Variants in KLRG2 observed in about 807,000 individuals in gnomAD.
KLRG2 encodes killer cell lectin-like receptor subfamily G member 2.
A neutral mutation model predicts 35.4 loss-of-function variants in KLRG2; 39 were observed. The observed-to-expected ratio is 1.10, with a 90% CI of 0.85 to 1.44. KLRG2 has a LOEUF of 1.44. Ranked by LOEUF, KLRG2 falls within the 40% of genes most tolerant of loss-of-function variation. The probability of loss-of-function intolerance (pLI) is 0.00; values close to 1 mark genes in which losing one functional copy is unlikely to be tolerated. For missense variants in KLRG2, 632 were observed against 570.9 expected, an observed-to-expected ratio of 1.11 and a Z score of -1.09; for synonymous variants, 283 against 265.8, an observed-to-expected ratio of 1.06 and a Z score of -0.63.
chr7:139,444,159 T>A, the KLRG2 span, among the ~76,000 whole-genome samples: 111 of 152,314 alleles, frequency 7.3e-4, no homozygotes, highest in Non-Finnish European at 8.8e-5. Context: ...GGAGACTGAT[T>A]AGATGGTACC....
chr7:139,461,643 C>T (rs78238150), intron 3 of KLRG2, among the ~76,000 whole-genome samples: 1 of 152,214 alleles, frequency 6.6e-6, no homozygotes, highest in South Asian at 2.1e-4. Context: ...TCAAAAGCTC[C>T]CCCACTGAGC....
chr7:139,444,559 A>G, the KLRG2 span, among the ~76,000 whole-genome samples: 1 of 152,192 alleles, frequency 6.6e-6, no homozygotes, highest in African/African-American at 2.4e-5. Context: ...CCTTCTCTCC[A>G]TGCCACGTGA....
chr7:139,439,445 C>T, the KLRG2 span, among the ~76,000 whole-genome samples: 1 of 151,982 alleles, frequency 6.6e-6, no homozygotes, highest in African/African-American at 2.4e-5. Context: ...AGGGAGAGAC[C>T]AGGGCGTGCA....
At chr7:139,451,520 T>A (rs548629127), downstream of KLRG2, among the ~76,000 whole-genome samples, 3 of 151,872 alleles carry the variant, frequency 2.0e-5, no homozygotes, top group Non-Finnish European at 4.4e-5. Flanking sequence ...TTTTTTTTTG[T>A]TATAAAGCAA....
chr7:139,428,656 TGA>T, the KLRG2 span, among the ~76,000 whole-genome samples: 1 of 119,644 alleles, frequency 8.4e-6, no homozygotes, highest in African/African-American at 6.0e-5. Flanking sequence ...CAAAGGAGAC[TGA>T]AGAGATGATA....
intron 3 of KLRG2, among the ~76,000 whole-genome samples, chr7:139,475,737 A>G (rs2116472946): frequency 6.6e-6 from 1 of 152,172 alleles, no homozygotes. Context: ...GCTCTAGCAA[A>G]TTAATCAAAC....
At chr7:139,475,338 T>C (rs1321594591) in intron 3 of KLRG2, among the ~76,000 whole-genome samples, 1 of 152,110 alleles carries the variant, frequency 6.6e-6, no homozygotes, top group Non-Finnish European at 1.5e-5. Flanking sequence ...GAGACCATCC[T>C]GGCTAACATG....
chr7:139,444,272 C>T, the KLRG2 span, among the ~76,000 whole-genome samples: 1 of 152,176 alleles, frequency 6.6e-6, no homozygotes, highest in Non-Finnish European at 1.5e-5. Context: ...TACTTTGCGT[C>T]CTTCAATCCA....
At chr7:139,442,680 C>G in the KLRG2 span, among the ~76,000 whole-genome samples, 3 of 152,162 alleles carry the variant, frequency 2.0e-5, no homozygotes, top group African/African-American at 4.8e-5. Flanking sequence ...AACTTTGTCT[C>G]TACAAAAAAT....
chr7:139,448,553 G>A (rs911622282), downstream of KLRG2, among the ~76,000 whole-genome samples: 10 of 152,154 alleles, frequency 6.6e-5, no homozygotes, highest in African/African-American at 2.4e-4. Flanking sequence ...AAATAGGCTG[G>A]GCGCAGTGGC....
In KLRG2 at chr7:139,453,357, G is replaced by A; in HGVS notation, c.*230C>T. On this transcript the variant is annotated 3_prime_UTR_variant, in exon 5 of 5. Transcript: ENST00000340940. ...ATCAAACCGATCATCCACAGAAGCT[G>A]GAGACTAATATTGGCACTCAGGCCT... is the stretch of plus-strand genomic sequence containing the variant. 1 of 540,416 alleles carries A rather than the reference G, an allele frequency of 1.9e-6. No individual in the cohort carries two copies. Among genetic ancestry groups the A allele is most frequent in the Non-Finnish European group, 3.2e-6 (1 of 310,072 alleles). The allele number at this position is 540,416 out of a possible 1,614,324, so 33.5% of individuals were successfully genotyped here. A position where few individuals can be genotyped will look rare whatever the true frequency, so the allele number is the denominator to read the frequency against.
chr7:139,441,227 G>A, the KLRG2 span, among the ~76,000 whole-genome samples: 1 of 152,188 alleles, frequency 6.6e-6, no homozygotes, highest in Admixed American at 6.5e-5. Flanking sequence ...CAACCCAAAT[G>A]TCTATCAATA....
rs761226386 is a variant in KLRG2, at chr7:139,479,770, C to G, written c.862G>C (p.Ala288Pro). Residue 288 changes from alanine (A) to proline (P), a missense_variant and splice_region_variant, in exon 3 of 5, where the codon GCC (alanine) becomes CCC (proline). Physicochemically the swap from Ala to Pro is conservative, Grantham distance 27. Coordinates refer to ENST00000340940, the MANE Select transcript of KLRG2 (RefSeq NM_198508.4). ...CCTGGGGGGCACTGCTGGCATCTGG[C>G]TCCTGCAAGCACAGAGACTGCTGGT... ...VIVVLASRAGARCQQCPPGWV... is the reference protein window; with the variant it reads ...VIVVLASRAGPRCQQCPPGWV... 1.2e-5 allele frequency: 19 copies of G among 1,613,144 alleles called. No homozygotes were observed. Among genetic ancestry groups the G allele is most frequent in the African/African-American group, 1.3e-5 (1 of 74,912 alleles).
intron 3 of KLRG2, among the ~76,000 whole-genome samples, chr7:139,474,441 C>G (rs1476064160): frequency 6.6e-6 from 1 of 152,122 alleles, no homozygotes; most frequent in Non-Finnish European, 1.5e-5. Flanking sequence ...ATATCTATGT[C>G]TCTATCTCCA....
intron 3 of KLRG2, among the ~76,000 whole-genome samples, chr7:139,477,231 T>C (rs1429230295): frequency 2.0e-5 from 3 of 152,192 alleles, no homozygotes; most frequent in African/African-American, 7.2e-5. Flanking sequence ...GGGTATATAC[T>C]CTAAGAACTG....
chr7:139,429,380 C>CTTTTTT, the KLRG2 span, among the ~76,000 whole-genome samples: 5 of 143,236 alleles, frequency 3.5e-5, no homozygotes, highest in South Asian at 2.2e-4. Context: ...TTTTCTTTTT[C>CTTTTTT]TTTTTCTTTT....
chr7:139,429,676 G>A, the KLRG2 span, among the ~76,000 whole-genome samples: 1 of 152,082 alleles, frequency 6.6e-6, no homozygotes, highest in Non-Finnish European at 1.5e-5. Flanking sequence ...GTTTCAGAGA[G>A]CACAGGGTTG....
downstream of KLRG2, among the ~76,000 whole-genome samples, chr7:139,450,220 T>G (rs1453150926): frequency 1.3e-5 from 2 of 150,636 alleles, no homozygotes; most frequent in African/African-American, 2.5e-5. Flanking sequence ...TGTTTGTTTT[T>G]TTTTTTGTTT....
At chr7:139,435,024 G>T in the KLRG2 span, among the ~76,000 whole-genome samples, 1 of 152,140 alleles carries the variant, frequency 6.6e-6, no homozygotes, top group Admixed American at 6.5e-5. Flanking sequence ...GGTACTCAAG[G>T]TATCATGATA....
Sources: allele counts gnomAD v4.1 joint callset (sites outside exome capture counted in the v4.1 genomes callset), GRCh38; gene constraint gnomAD v4.1.1; transcripts MANE v1.5; gene names NCBI Gene and HGNC (gene_info 2026-07-23, HGNC 2026-07-21).